ADGB: variants seen among roughly 807,000 people sequenced by gnomAD.
ADGB encodes the protein androglobin.
A neutral mutation model predicts 210.5 loss-of-function variants in ADGB; 172 were observed. The ratio of observed to expected loss-of-function variants is 0.82; its 90% CI spans 0.72 to 0.93. The LOEUF (loss-of-function observed/expected upper bound fraction) is 0.93. Among genes scored for constraint, ADGB ranks in the 40% least tolerant of loss-of-function variants. ADGB has a pLI of 0.00. For synonymous variants in ADGB, 658 were observed against 662.7 expected (o/e 0.99, Z 0.11); for missense variants, 2,025 against 1,964.8 (o/e 1.03, Z -0.58).
rs566015340 is a variant in ADGB at position 146,701,010 on chromosome 6, T to G, written c.1647T>G (p.Thr549=). Residue 549 remains threonine, a synonymous_variant, in exon 13 of 36, where the codon ACT becomes ACG. Transcript: ENST00000397944. ...CTGATTTACCTTCCGTCAGTGAAAC[T>G]GATGAAACTGCAACACATAGCCAGA... The part of the protein sequence containing the change: ...PGSDLPSVSE[T]DETATHSQTD... 6.4e-7 allele frequency: 1 copy of G among 1,551,072 alleles called. No homozygotes were observed. Among genetic ancestry groups the G allele is most frequent in the South Asian group, 1.2e-5 (1 of 84,038 alleles).
In ADGB at chr6:146,788,519, G is replaced by A. The variant is rs1462615858; in HGVS notation, c.4446G>A (p.Arg1482=). Residue 1482 remains arginine, a synonymous_variant, in exon 33 of 36, where the codon AGG becomes AGA. Transcript: ENST00000397944. The part of the protein sequence containing the change: ...WKKWQLTKGL[R]DVAKSTSSES... ...AGTGGCAATTGACCAAAGGCTTGAG[G>A]GATGTGGCAAAATCCACGAGTAGCG... 3.9e-6 allele frequency: 6 copies of A among 1,551,506 alleles called. No homozygotes were observed. Among genetic ancestry groups the A allele is most frequent in the Non-Finnish European group, 4.4e-6 (5 of 1,146,924 alleles).
At chr6:146,663,252 A>C (rs1370719120) in intron 5 of ADGB, among the ~76,000 whole-genome samples, 1 of 147,762 alleles carries the variant, frequency 6.8e-6, no homozygotes, top group African/African-American at 2.5e-5. Context: ...TAGTCTTGTA[A>C]CAACTAAGGC....
chr6:146,721,267 A>AAAG, intron 16 of ADGB, 136 bp from the exon 17 acceptor site: 1 of 599,518 alleles, frequency 1.7e-6, no homozygotes, highest in African/African-American at 1.9e-5. Flanking sequence ...TTAGATTCAT[A>AAAG]AAGTATTTAT....
intron 25 of ADGB, among the ~76,000 whole-genome samples, chr6:146,742,111 C>T (rs1362673947): frequency 6.6e-6 from 1 of 152,100 alleles, no homozygotes. Context: ...AATGTATTAA[C>T]TCCATAAAAA....
intron 13 of ADGB, among the ~76,000 whole-genome samples, chr6:146,712,662 C>A (rs1194682138): frequency 6.6e-6 from 1 of 151,966 alleles, no homozygotes; most frequent in Non-Finnish European, 1.5e-5. Context: ...TATTACACTA[C>A]CTTTCTCCCA....
At chr6:146,768,666 T>C (rs187783228) in intron 28 of ADGB, among the ~76,000 whole-genome samples, 1 of 152,300 alleles carries the variant, frequency 6.6e-6, no homozygotes, top group East Asian at 1.9e-4. Context: ...TTCTGTGTCA[T>C]GATCACAAAG....
chr6:146,644,830 T>A lies in ADGB; in HGVS notation c.295T>A (p.Ser99Thr). 1 of 1,493,456 alleles carries A rather than the reference T, an allele frequency of 6.7e-7. No individual in the cohort carries two copies. Among genetic ancestry groups the A allele is most frequent in the Non-Finnish European group, 8.9e-7 (1 of 1,121,158 alleles). 92.5% of individuals were successfully genotyped at this position (1,493,456 alleles called of 1,614,324 possible). A position where few individuals can be genotyped will look rare whatever the true frequency, so the allele number is the denominator to read the frequency against. Residue 99 changes from serine (S) to threonine (T), a missense_variant, in exon 3 of 36, where the codon TCC (serine) becomes ACC (threonine). Ser to Thr is a moderately conservative substitution (Grantham distance 58, BLOSUM62 1). Transcript: ENST00000397944. ...GTTACCACCATCCTTGAAAATTTAT[T>A]CCTGGAAACGTCCACAAGATATTTT... ...IELPPSLKIYSWKRPQDILFS... is the reference protein window; with the variant it reads ...IELPPSLKIYTWKRPQDILFS...
intron 13 of ADGB, among the ~76,000 whole-genome samples, chr6:146,715,084 A>G (rs912156492): frequency 1.3e-5 from 2 of 152,180 alleles, no homozygotes; most frequent in African/African-American, 4.8e-5. Flanking sequence ...TAATATGTCT[A>G]CTTAGGGATA....
intron 13 of ADGB, among the ~76,000 whole-genome samples, chr6:146,701,348 A>G (rs529941220): frequency 4.6e-5 from 7 of 152,192 alleles, no homozygotes; most frequent in African/African-American, 1.7e-4. Context: ...TTTGCCAATT[A>G]TAATGTAACA....
rs77388754 is a variant in ADGB, at chr6:146,754,901, T to C, written c.3550+2187T>C. Among the ~76,000 whole-genome samples, 1,290 of 152,160 alleles carry C rather than the reference T, an allele frequency of 8.5e-3. 18 individuals carry two copies. The highest frequency in any genetic ancestry group is 0.029 in the African/African-American group (1,207 of 41,536). ...TCATAAAAGTCAAACTTGCTAATTATGATATTTAAAATGTCAAGGTTGTCA... is the reference window on the plus strand; with the variant it reads ...TCATAAAAGTCAAACTTGCTAATTACGATATTTAAAATGTCAAGGTTGTCA... On this transcript the variant is annotated intron_variant, in intron 27 of 35. Coordinates refer to ENST00000397944, the MANE Select transcript of ADGB (RefSeq NM_024694.4).
chr6:146,723,901 C>T (rs1776857243), intron 17 of ADGB, among the ~76,000 whole-genome samples: 1 of 152,176 alleles, frequency 6.6e-6, no homozygotes, highest in South Asian at 2.1e-4. Context: ...AAAAGCGATG[C>T]TATACTACAA....
intron 35 of ADGB, among the ~76,000 whole-genome samples, chr6:146,809,856 TAGA>T (rs1394256837): frequency 6.6e-6 from 1 of 152,200 alleles, no homozygotes; most frequent in Non-Finnish European, 1.5e-5. Context: ...ATAAAATGCT[TAGA>T]AGATTGCATA....
chr6:146,798,983 G>T (rs915950624), intron 33 of ADGB, among the ~76,000 whole-genome samples: 2 of 130,524 alleles, frequency 1.5e-5, no homozygotes, highest in South Asian at 2.6e-4. Flanking sequence ...TATAAATTCA[G>T]TATAATCTCT....
chr6:146,746,781 G>A (rs1435916580), intron 26 of ADGB, among the ~76,000 whole-genome samples: 2 of 152,044 alleles, frequency 1.3e-5, no homozygotes, highest in Non-Finnish European at 2.9e-5. Context: ...GAAGCACATA[G>A]CATGTTATTT....
chr6:146,781,204 G>T (rs566896939), intron 29 of ADGB, among the ~76,000 whole-genome samples: 17 of 149,898 alleles, frequency 1.1e-4, no homozygotes, highest in African/African-American at 3.9e-4. Flanking sequence ...TTAGCCGGGC[G>T]TGGTGGCGGG....
intron 30 of ADGB, among the ~76,000 whole-genome samples, chr6:146,784,212 A>C (rs1161740150): frequency 6.6e-6 from 1 of 152,148 alleles, no homozygotes; most frequent in Non-Finnish European, 1.5e-5. Context: ...GTAACAACTG[A>C]TCTTTCAGTC....
chr6:146,683,829 AT>A (rs1776188864), intron 9 of ADGB, among the ~76,000 whole-genome samples: 1 of 152,134 alleles, frequency 6.6e-6, no homozygotes, highest in South Asian at 2.1e-4. Context: ...CTTATTAAAG[AT>A]CAAGGACAAA....
At chr6:146,705,750 G>T (rs930204514) in intron 13 of ADGB, among the ~76,000 whole-genome samples, 2 of 152,034 alleles carry the variant, frequency 1.3e-5, no homozygotes, top group Non-Finnish European at 2.9e-5. Context: ...TTCTTATAGT[G>T]TCCTTGTCTG....
intron 27 of ADGB, among the ~76,000 whole-genome samples, chr6:146,760,029 A>T (rs1777462842): frequency 6.6e-6 from 1 of 151,788 alleles, no homozygotes; most frequent in South Asian, 2.1e-4. Context: ...ATGTGTTTCT[A>T]ATGTTTTTGT....
Sources: allele counts gnomAD v4.1 joint callset (sites outside exome capture counted in the v4.1 genomes callset), GRCh38; gene constraint gnomAD v4.1.1; transcripts MANE v1.5; gene names NCBI Gene and HGNC (gene_info 2026-07-23, HGNC 2026-07-21).